The following TCF4 variants were observed in gnomAD, a reference collection of about 807,000 sequenced individuals.
The protein encoded by TCF4 is SL3-3 enhancer factor 2.
Under a neutral mutation model 82.1 loss-of-function variants are expected in TCF4, and 3 were observed. That is an observed-to-expected ratio of 0.04 (90% confidence interval 0.02 to 0.09). TCF4 has a LOEUF of 0.09. Ranked by LOEUF, TCF4 falls within the 10% of genes least tolerant of loss-of-function variation. The pLI is 1.00. For synonymous variants in TCF4, 276 were observed against 309.6 expected (o/e 0.89, Z 1.14); for missense variants, 518 against 852.7 (o/e 0.61, Z 4.89).
intron 3 of TCF4, among the ~76,000 whole-genome samples, chr18:55,560,908 G>A (rs1443743219): frequency 6.6e-6 from 1 of 152,104 alleles, no homozygotes; most frequent in Non-Finnish European, 1.5e-5. Flanking sequence ...TATGTAAGAT[G>A]ATTTTCCTAT....
At chr18:55,304,333 T>C (rs1382106052) in intron 8 of TCF4, among the ~76,000 whole-genome samples, 1 of 152,016 alleles carries the variant, frequency 6.6e-6, no homozygotes, top group Non-Finnish European at 1.5e-5. Flanking sequence ...GTAAGACAAA[T>C]AAGCCTAATG....
At chr18:55,228,553 C>T (rs919809111) in intron 18 of TCF4, among the ~76,000 whole-genome samples, 192 bp from the exon 19 acceptor site, 1 of 152,158 alleles carries the variant, frequency 6.6e-6, no homozygotes, top group African/African-American at 2.4e-5. Context: ...TGAGTGTGTA[C>T]AGCCACTTTA....
At chr18:55,361,106 T>G (rs189431297) in intron 6 of TCF4, among the ~76,000 whole-genome samples, 1 of 152,100 alleles carries the variant, frequency 6.6e-6, no homozygotes, top group Non-Finnish European at 1.5e-5. Context: ...TGTCATGAGA[T>G]TTATGGATGC....
chr18:55,356,917 C>G (rs1215869802), intron 6 of TCF4, among the ~76,000 whole-genome samples: 1 of 152,058 alleles, frequency 6.6e-6, no homozygotes, highest in Non-Finnish European at 1.5e-5. Flanking sequence ...ACCAAACACT[C>G]AAAAATTCAA....
chr18:55,460,640 A>G (rs993297279), intron 5 of TCF4, among the ~76,000 whole-genome samples: 5 of 152,226 alleles, frequency 3.3e-5, no homozygotes, highest in African/African-American at 1.2e-4. Context: ...CACTGACTAT[A>G]TATCACTGCC....
chr18:55,566,903 G>C (rs1262662317), intron 3 of TCF4, among the ~76,000 whole-genome samples: 1 of 152,110 alleles, frequency 6.6e-6, no homozygotes, highest in Non-Finnish European at 1.5e-5. Context: ...AGACCAAATA[G>C]AATTTTAAAA....
In TCF4 at chr18:55,390,286, TAAAAAAA is replaced by T. The variant is rs56965997; in HGVS notation, c.369+13161_369+13167del. Among the ~76,000 whole-genome samples, 27 of 82,238 alleles carry T rather than the reference TAAAAAAA, an allele frequency of 3.3e-4. No homozygotes were observed. In the East Asian group the frequency reaches 3.7e-3, roughly 11 times the overall value. 54.0% of individuals were successfully genotyped at this position (82,238 alleles called of 152,430 possible). On this transcript the variant is annotated intron_variant, in intron 6 of 19. Transcript: ENST00000354452. ...GGCAACACAGCAGGACCCTGACTCT[TAAAAAAA>T]AAAAAAAAAAAAAAAAAGAAAGAAA...
At chr18:55,555,302 G>A (rs929132409) in intron 3 of TCF4, among the ~76,000 whole-genome samples, 17 of 152,216 alleles carry the variant, frequency 1.1e-4, no homozygotes, top group Non-Finnish European at 2.5e-4. Flanking sequence ...TGCCTACCCA[G>A]GCAGGGAAAG....
rs552239655 is a variant in TCF4 at position 55,228,040 on chromosome 18, G to A, written c.*5-10C>T. ...ATGTGGCAACTTGGACCTGAGAAAG[G>A]AAAAAAGAGAGAAAAAATTCATTAA... On this transcript the variant is annotated splice_polypyrimidine_tract_variant and intron_variant, in intron 19 of 19. Transcript: ENST00000354452. 3.6e-4 allele frequency: 273 copies of A among 757,156 alleles called. No homozygotes were observed. In the Middle Eastern group the frequency reaches 5.2e-3, roughly 15 times the overall value. 46.9% of individuals were successfully genotyped at this position (757,156 alleles called of 1,614,324 possible).
At chr18:55,263,877 T>C (rs957980885) in intron 11 of TCF4, among the ~76,000 whole-genome samples, 3 of 151,996 alleles carry the variant, frequency 2.0e-5, no homozygotes, top group African/African-American at 4.8e-5. Flanking sequence ...AATCACATTA[T>C]CTAACAAAGA....
intron 8 of TCF4, among the ~76,000 whole-genome samples, chr18:55,311,324 C>T (rs2072352768): frequency 6.6e-6 from 1 of 152,198 alleles, no homozygotes; most frequent in South Asian, 2.1e-4. Flanking sequence ...GACTTCCCAA[C>T]CTCAGCACTT....
intron 2 of TCF4, among the ~76,000 whole-genome samples, chr18:55,608,642 G>A (rs528266868): frequency 1.3e-5 from 2 of 152,196 alleles, no homozygotes; most frequent in East Asian, 1.9e-4. Flanking sequence ...GCTATGGGCC[G>A]TGGGAATAAT....
At chr18:55,309,060 GTTTT>G (rs1321299219) in intron 8 of TCF4, among the ~76,000 whole-genome samples, 2 of 151,912 alleles carry the variant, frequency 1.3e-5, no homozygotes, top group Non-Finnish European at 2.9e-5. Context: ...TCTTTTTAAA[GTTTT>G]ATTTAATTCT....
chr18:55,512,817 A>C (rs1198389098), intron 3 of TCF4, among the ~76,000 whole-genome samples: 1 of 152,220 alleles, frequency 6.6e-6, no homozygotes, highest in Non-Finnish European at 1.5e-5. Flanking sequence ...ATTAAAAGGC[A>C]AGAAAAAATA....
At chr18:55,402,285 C>T (rs2093864751) in intron 6 of TCF4, 2 of 947,314 alleles carry the variant, frequency 2.1e-6, no homozygotes, top group Non-Finnish European at 2.5e-6. Context: ...CACACCAACC[C>T]ACCAGAAGTC....
At chr18:55,257,268 A>C in intron 14 of TCF4, 47 bp downstream of exon 14, 1 of 1,579,182 alleles carries the variant, frequency 6.3e-7, no homozygotes, top group Middle Eastern at 1.7e-4. Flanking sequence ...ACAAGAAAGA[A>C]CATGACCTGA....
intron 5 of TCF4, among the ~76,000 whole-genome samples, chr18:55,437,175 C>T (rs971956092): frequency 3.3e-5 from 5 of 152,208 alleles, no homozygotes; most frequent in African/African-American, 1.2e-4. Context: ...TGACTTCCCT[C>T]TAATTTGGCT....
chr18:55,566,527 A>C (rs779777374), intron 3 of TCF4, among the ~76,000 whole-genome samples: 61 of 152,318 alleles, frequency 4.0e-4, no homozygotes, highest in Middle Eastern at 3.4e-3. Context: ...AGTATTTAAA[A>C]ATTAGTAGGC....
chr18:55,380,644 A>G (rs1260323831), intron 6 of TCF4, among the ~76,000 whole-genome samples: 2 of 152,206 alleles, frequency 1.3e-5, no homozygotes, highest in Non-Finnish European at 2.9e-5. Context: ...AATGTCAGGT[A>G]TGTAATAAAT....
Sources: gnomAD v4.1 joint callset for allele counts (sites outside exome capture counted in the v4.1 genomes callset) on GRCh38, gnomAD v4.1.1 for gene constraint, MANE v1.5 for transcripts, NCBI Gene and HGNC (gene_info 2026-07-23, HGNC 2026-07-21) for gene names.